The following USP45 variants were observed in gnomAD, a reference collection of about 807,000 sequenced individuals.
USP45 encodes ubiquitin specific peptidase 45.
A neutral mutation model predicts 95.8 loss-of-function variants in USP45; 89 were observed. That is an observed-to-expected ratio of 0.93 (90% CI 0.78 to 1.11). USP45 has a LOEUF of 1.11. USP45 is among the 50% of genes least tolerant of loss of function. USP45 has a pLI of 0.00. For missense variants in USP45, 898 were observed against 942.5 expected (o/e 0.95, Z 0.62); for synonymous variants, 281 against 316.2 (o/e 0.89, Z 1.18).
intron 8 of USP45, among the ~76,000 whole-genome samples, chr6:99,477,372 C>G (rs1005896083): frequency 6.6e-6 from 1 of 152,102 alleles, no homozygotes; most frequent in African/African-American, 2.4e-5. Context: ...GGCACAATCT[C>G]AGCTCACTGC....
chr6:99,497,805 T>C (rs1310946995), intron 5 of USP45, among the ~76,000 whole-genome samples: 3 of 152,048 alleles, frequency 2.0e-5, no homozygotes, highest in African/African-American at 7.2e-5. Flanking sequence ...CCTCTCACCA[T>C]CTTCTACACC....
At chr6:99,481,863 T>C (rs1229762638) in intron 8 of USP45, among the ~76,000 whole-genome samples, 10 of 152,208 alleles carry the variant, frequency 6.6e-5, no homozygotes, top group Admixed American at 5.2e-4. Flanking sequence ...ATTATGGCTG[T>C]GCTAAAAACT....
At position 99,435,552 on chromosome 6, in the gene USP45, A is replaced by C; in HGVS notation, c.*164T>G. 1 of 479,908 alleles carries C rather than the reference A, an allele frequency of 2.1e-6. No individual in the cohort carries two copies. The highest frequency in any genetic ancestry group is 3.5e-6 in the Non-Finnish European group (1 of 286,388). The allele number at this position is 479,908 out of a possible 1,614,324, so 29.7% of individuals were successfully genotyped here. ...ACTATGAATTTTAAAGCATTGAGTAAATTTACTTTAAAAGGGTTCACCAAA... is the reference window on the plus strand; with the variant it reads ...ACTATGAATTTTAAAGCATTGAGTACATTTACTTTAAAAGGGTTCACCAAA... On this transcript the variant is annotated 3_prime_UTR_variant, in exon 18 of 18. Coordinates refer to ENST00000500704, the MANE Select transcript of USP45 (RefSeq NM_001346022.3).
intron 4 of USP45, among the ~76,000 whole-genome samples, chr6:99,505,675 C>T (rs1394300421): frequency 1.3e-5 from 2 of 151,684 alleles, no homozygotes; most frequent in Non-Finnish European, 2.9e-5. Flanking sequence ...ATGCATTACA[C>T]CAATGCTACA....
In USP45 at chr6:99,443,545, G is replaced by A; in HGVS notation, c.2073+20C>T. 1 of 1,545,078 alleles carries A rather than the reference G, an allele frequency of 6.5e-7. No individual in the cohort carries two copies. ...TGTAAAACACATGATGAAAATTATG[G>A]TGCTACTGAAGAAACTTACCTGATG... On this transcript the variant is annotated intron_variant, in intron 15 of 17. Transcript: ENST00000500704.
chr6:99,496,213 G>A (rs1232521523), intron 5 of USP45, among the ~76,000 whole-genome samples: 2 of 152,016 alleles, frequency 1.3e-5, no homozygotes, highest in East Asian at 3.9e-4. Context: ...TGAAGAACTG[G>A]TCTCAAGCAA....
At chr6:99,498,638 G>C (rs1796782029) in intron 5 of USP45, among the ~76,000 whole-genome samples, 2 of 152,246 alleles carry the variant, frequency 1.3e-5, no homozygotes, top group African/African-American at 4.8e-5. Flanking sequence ...AAGTGGGTCA[G>C]AAGACAACTT....
chr6:99,490,848 G>A (rs1795015354), intron 5 of USP45, among the ~76,000 whole-genome samples: 1 of 152,182 alleles, frequency 6.6e-6, no homozygotes, highest in African/African-American at 2.4e-5. Context: ...GGGATTACAG[G>A]TGTGAGCCAC....
upstream of USP45, among the ~76,000 whole-genome samples, chr6:99,517,747 T>C (rs1801196467): frequency 6.6e-6 from 1 of 151,922 alleles, no homozygotes; most frequent in Non-Finnish European, 1.5e-5. Context: ...CCAGCTCCTT[T>C]TTATCAAACA....
chr6:99,505,751 G>A (rs966315467), intron 4 of USP45, among the ~76,000 whole-genome samples: 1 of 151,708 alleles, frequency 6.6e-6, no homozygotes, highest in African/African-American at 2.4e-5. Context: ...GTGGTCTACA[G>A]ACCAGCAGCA....
At chr6:99,493,792 C>T (rs996781643) in intron 5 of USP45, among the ~76,000 whole-genome samples, 16 of 152,220 alleles carry the variant, frequency 1.1e-4, no homozygotes, top group African/African-American at 3.1e-4. Context: ...AGCCACTGCG[C>T]CTGGCCTGTA....
At chr6:99,475,464 C>T (rs1033327968) in intron 9 of USP45, among the ~76,000 whole-genome samples, 4 of 151,760 alleles carry the variant, frequency 2.6e-5, no homozygotes, top group Non-Finnish European at 5.9e-5. Context: ...TACAGGCACA[C>T]GCTACCACAC....
chr6:99,491,025 T>C (rs1795055103), intron 5 of USP45, among the ~76,000 whole-genome samples: 1 of 152,220 alleles, frequency 6.6e-6, no homozygotes, highest in Non-Finnish European at 1.5e-5. Context: ...TTATTGGTTG[T>C]TATTGGAATG....
intron 7 of USP45, among the ~76,000 whole-genome samples, chr6:99,487,820 GCTCA>G (rs1434944969): frequency 6.6e-6 from 1 of 151,800 alleles, no homozygotes; most frequent in Non-Finnish European, 1.5e-5. Context: ...ACCTTTAGAT[GCTCA>G]CTATTAAAAT....
chr6:99,437,848 G>T (rs963476141), intron 16 of USP45, among the ~76,000 whole-genome samples: 1 of 152,152 alleles, frequency 6.6e-6, no homozygotes, highest in Admixed American at 6.5e-5. Context: ...AGTAGAAACA[G>T]GGTTTTACCT....
In USP45 at chr6:99,432,500, CTCAA is replaced by C. The variant is rs1458800388; in HGVS notation, c.*3212_*3215del. The C allele has an allele frequency of 2.0e-5, 3 of 151,882 alleles. No homozygotes were observed. Among genetic ancestry groups the C allele is most frequent in the Non-Finnish European group, 2.9e-5 (2 of 67,954 alleles). The allele number at this position is 151,882 out of a possible 1,614,324, so 9.4% of individuals were successfully genotyped here. On this transcript the variant is annotated 3_prime_UTR_variant, in exon 18 of 18. Coordinates refer to ENST00000500704, the MANE Select transcript of USP45 (RefSeq NM_001346022.3). ...TTTATACAGTAACACCAAAATAACGCTCAATAAGTTACACAGCTGTTTTCTAGAA... is the reference window on the plus strand; with the variant it reads ...TTTATACAGTAACACCAAAATAACGCTAAGTTACACAGCTGTTTTCTAGAA...
At chr6:99,474,709 A>G (rs1310265396) in intron 9 of USP45, among the ~76,000 whole-genome samples, 1 of 152,188 alleles carries the variant, frequency 6.6e-6, no homozygotes, top group African/African-American at 2.4e-5. Context: ...AATAATTCTG[A>G]GGCTGAACCC....
intron 6 of USP45, among the ~76,000 whole-genome samples, 171 bp downstream of exon 6, chr6:99,488,510 A>C (rs1794495203): frequency 6.6e-6 from 1 of 152,202 alleles, no homozygotes; most frequent in African/African-American, 2.4e-5. Flanking sequence ...CTGTGTGAAA[A>C]TAAGGTACAT....
At chr6:99,487,726 C>T (rs1193000486) in intron 7 of USP45, among the ~76,000 whole-genome samples, 1 of 151,488 alleles carries the variant, frequency 6.6e-6, no homozygotes, top group Non-Finnish European at 1.5e-5. Context: ...ACCCGGGAGG[C>T]GGAGCTTGCA....
Sources: allele counts gnomAD v4.1 joint callset (sites outside exome capture counted in the v4.1 genomes callset), GRCh38; gene constraint gnomAD v4.1.1; transcripts MANE v1.5; gene names NCBI Gene and HGNC (gene_info 2026-07-23, HGNC 2026-07-21).